KIF16B: variants seen among roughly 807,000 people sequenced by gnomAD.
KIF16B encodes the protein kinesin-like protein KIF16B.
In KIF16B, 98 loss-of-function variants were observed where a neutral mutation model predicts 156.3. The observed-to-expected ratio is 0.63, with a 90% CI of 0.53 to 0.74. The LOEUF is 0.74. Among genes scored for constraint, KIF16B ranks in the 30% least tolerant of loss-of-function variants. KIF16B has a pLI of 0.00. For synonymous variants in KIF16B, 564 were observed against 583.7 expected, an observed-to-expected ratio of 0.97 and a Z score of 0.49; for missense variants, 1,421 against 1,606.5, an observed-to-expected ratio of 0.88 and a Z score of 1.97.
intron 10 of KIF16B, among the ~76,000 whole-genome samples, chr20:16,503,186 G>C (rs1458230903): frequency 6.6e-6 from 1 of 152,130 alleles, no homozygotes; most frequent in Admixed American, 6.5e-5. Context: ...ACTCCAGCCT[G>C]GGCAACACAG....
At chr20:16,357,375 G>T (rs1444454258) in intron 22 of KIF16B, among the ~76,000 whole-genome samples, 2 of 152,138 alleles carry the variant, frequency 1.3e-5, no homozygotes, top group African/African-American at 4.8e-5. Flanking sequence ...CAAGACTGAG[G>T]GTTGAGCTCA....
At chr20:16,287,269 A>G (rs2063236839) in intron 25 of KIF16B, among the ~76,000 whole-genome samples, 1 of 152,220 alleles carries the variant, frequency 6.6e-6, no homozygotes, top group South Asian at 2.1e-4. Flanking sequence ...CTTCATGCCA[A>G]TCTCTCTTCC....
intron 12 of KIF16B, among the ~76,000 whole-genome samples, chr20:16,482,197 G>T (rs1600510262): frequency 6.6e-6 from 1 of 152,008 alleles, no homozygotes; most frequent in African/African-American, 2.4e-5. Flanking sequence ...TAATTATGCT[G>T]ATTAGCATAA....
At chr20:16,361,388 G>A (rs1302577301) in intron 22 of KIF16B, among the ~76,000 whole-genome samples, 3 of 152,238 alleles carry the variant, frequency 2.0e-5, no homozygotes, top group African/African-American at 7.2e-5. Flanking sequence ...CACAAATGAT[G>A]TATATGGTAA....
intron 17 of KIF16B, among the ~76,000 whole-genome samples, chr20:16,391,517 T>C (rs1175577814): frequency 6.6e-6 from 1 of 151,986 alleles, no homozygotes; most frequent in East Asian, 1.9e-4. Flanking sequence ...ATAAGTACTA[T>C]GAAAAAGCAT....
chr20:16,519,245 G>A (rs1178861879), intron 3 of KIF16B, among the ~76,000 whole-genome samples: 1 of 152,076 alleles, frequency 6.6e-6, no homozygotes, highest in East Asian at 1.9e-4. Flanking sequence ...ACCTCTCTCT[G>A]TGAGGCTCCC....
chr20:16,360,190 C>T (rs962961804), intron 22 of KIF16B, among the ~76,000 whole-genome samples: 2 of 152,024 alleles, frequency 1.3e-5, no homozygotes, highest in Admixed American at 6.6e-5. Flanking sequence ...GTGGAATTCT[C>T]AGGGTACAGT....
At chr20:16,451,963 G>C (rs2067093218) in intron 12 of KIF16B, among the ~76,000 whole-genome samples, 1 of 152,116 alleles carries the variant, frequency 6.6e-6, no homozygotes. Flanking sequence ...AGAGTAACTA[G>C]AACCTCTTTA....
intron 24 of KIF16B, among the ~76,000 whole-genome samples, chr20:16,329,028 T>G (rs2063903991): frequency 6.6e-6 from 1 of 152,122 alleles, no homozygotes; most frequent in Non-Finnish European, 1.5e-5. Context: ...GAAAATAAAG[T>G]CTTTTTAAAA....
chr20:16,295,430 C>T (rs925327699), intron 25 of KIF16B, among the ~76,000 whole-genome samples: 2 of 151,580 alleles, frequency 1.3e-5, no homozygotes, highest in Non-Finnish European at 2.9e-5. Context: ...GATATCTATA[C>T]ACATCTATAA....
intron 1 of KIF16B, among the ~76,000 whole-genome samples, chr20:16,542,720 G>A (rs1299550708): frequency 5.3e-5 from 8 of 152,216 alleles, no homozygotes; most frequent in Non-Finnish European, 8.8e-5. Flanking sequence ...CAAAGTAGAA[G>A]AAGAGGTCAG....
At chr20:16,559,133 C>A (rs2070965229) in intron 1 of KIF16B, among the ~76,000 whole-genome samples, 1 of 152,106 alleles carries the variant, frequency 6.6e-6, no homozygotes, top group South Asian at 2.1e-4. Flanking sequence ...CTGCCTAAAA[C>A]CAATACTTGC....
rs574060763 is a variant in KIF16B at position 16,273,521 on chromosome 20, T to A, written c.3796-110A>T. 1.1e-5 allele frequency: 9 copies of A among 804,934 alleles called. No individual in the cohort carries two copies. In the African/African-American group the frequency reaches 1.5e-4, roughly 14 times the overall value. The allele number at this position is 804,934 out of a possible 1,614,324, so 49.9% of individuals were successfully genotyped here. On this transcript the variant is annotated intron_variant, in intron 25 of 25. Coordinates refer to ENST00000354981, the MANE Select transcript of KIF16B (RefSeq NM_024704.5). ...GTCCAGGCAACATGGAGAAACCTCA[T>A]CTCTACAAAAAATAAAGAAATTAGC...
chr20:16,371,491 T>C (rs2123312470), intron 21 of KIF16B, among the ~76,000 whole-genome samples, 174 bp downstream of exon 21: 1 of 149,340 alleles, frequency 6.7e-6, no homozygotes, highest in East Asian at 2.0e-4. Flanking sequence ...CTTGGGAGGC[T>C]GAGGCATGAG....
intron 1 of KIF16B, among the ~76,000 whole-genome samples, chr20:16,564,074 A>G (rs1406675691): frequency 6.6e-6 from 1 of 150,816 alleles, no homozygotes; most frequent in Admixed American, 6.6e-5. Flanking sequence ...AAAGAGACAA[A>G]CAAAAAAATC....
At chr20:16,508,132 C>A (rs763242329) in intron 6 of KIF16B, 32 bp from the exon 7 acceptor site, 9 of 1,608,394 alleles carry the variant, frequency 5.6e-6, no homozygotes, top group South Asian at 1.1e-5. Context: ...GTGAAGAAAT[C>A]CCCCTAATAT....
At chr20:16,356,154 C>T (rs1356988504) in intron 23 of KIF16B, among the ~76,000 whole-genome samples, 176 bp downstream of exon 23, 1 of 152,190 alleles carries the variant, frequency 6.6e-6, no homozygotes, top group Non-Finnish European at 1.5e-5. Context: ...AGGTACCTTC[C>T]TTCCATGTGT....
At chr20:16,538,485 T>TG (rs2070064506) in intron 1 of KIF16B, among the ~76,000 whole-genome samples, 1 of 152,206 alleles carries the variant, frequency 6.6e-6, no homozygotes, top group South Asian at 2.1e-4. Context: ...AAGCCAATTA[T>TG]GGGTCCTTCA....
At position 16,566,155 on chromosome 20, in the gene KIF16B, G is replaced by C. The variant is rs192545326; in HGVS notation, c.47+7074C>G. Among the ~76,000 whole-genome samples, 13 of 152,230 alleles carry C rather than the reference G, an allele frequency of 8.5e-5. No individual in the cohort carries two copies. In the East Asian group the frequency reaches 2.5e-3, roughly 29 times the overall value. ...GAAAATACAGTGATTGCTTCTTCAG[G>C]GCTTTGTTTATAAGTTTTGTCCCTT... is the stretch of plus-strand genomic sequence containing the variant. On this transcript the variant is annotated intron_variant, in intron 1 of 25. Coordinates refer to ENST00000354981, the MANE Select transcript of KIF16B (RefSeq NM_024704.5).
Sources: allele counts gnomAD v4.1 joint callset (sites outside exome capture counted in the v4.1 genomes callset), GRCh38; gene constraint gnomAD v4.1.1; transcripts MANE v1.5; gene names NCBI Gene and HGNC (gene_info 2026-07-23, HGNC 2026-07-21).